Variants in NTN1 observed in about 807,000 individuals in gnomAD.
NTN1 encodes netrin-1.
NTN1 carries 11 observed loss-of-function variants against 54.2 expected under a neutral mutation model. That is an observed-to-expected ratio of 0.20 (90% CI 0.13 to 0.34). The LOEUF is 0.34. Among genes scored for constraint, NTN1 ranks in the 10% least tolerant of loss-of-function variants. The probability of loss-of-function intolerance (pLI) is 1.00; values close to 1 mark genes in which losing one functional copy is unlikely to be tolerated. For synonymous variants in NTN1, 371 were observed against 382.0 expected (o/e 0.97, Z 0.33); for missense variants, 740 against 893.1 (o/e 0.83, Z 2.18).
intron 5 of NTN1, among the ~76,000 whole-genome samples, chr17:9,196,811 T>A (rs759150339): frequency 1.3e-5 from 2 of 152,222 alleles, no homozygotes; most frequent in South Asian, 4.2e-4. Flanking sequence ...TTTGTAGAGA[T>A]CAGGAATGAA....
At chr17:9,179,731 T>C in intron 3 of NTN1, 76 bp from the exon 4 acceptor site, 2 of 1,536,418 alleles carry the variant, frequency 1.3e-6, no homozygotes, top group Non-Finnish European at 8.8e-7. Flanking sequence ...GAGGCAGCCC[T>C]GGGTAGGGAA....
At chr17:9,170,838 CT>C (rs1320209322) in intron 3 of NTN1, among the ~76,000 whole-genome samples, 1 of 150,510 alleles carries the variant, frequency 6.6e-6, no homozygotes, top group Admixed American at 6.7e-5. Flanking sequence ...TCGTACAGCC[CT>C]ATTCCTGCCC....
chr17:9,006,488 G>C, the NTN1 span, among the ~76,000 whole-genome samples: 1 of 152,154 alleles, frequency 6.6e-6, no homozygotes, highest in African/African-American at 2.4e-5. Flanking sequence ...TGTTGAAAAG[G>C]CTGGACTCCC....
At chr17:9,132,897 T>C (rs898788806) in intron 2 of NTN1, among the ~76,000 whole-genome samples, 1 of 152,012 alleles carries the variant, frequency 6.6e-6, no homozygotes, top group Admixed American at 6.6e-5. Flanking sequence ...GAATGACACG[T>C]CCACACTGAT....
intron 2 of NTN1, among the ~76,000 whole-genome samples, chr17:9,148,208 A>G (rs113450838): frequency 0.02 from 3,115 of 152,294 alleles, 38 homozygotes; most frequent in African/African-American, 0.035. Flanking sequence ...CCCTTCTCAC[A>G]AATCTCCACG....
chr17:9,013,569 T>C, the NTN1 span, among the ~76,000 whole-genome samples: 1 of 152,218 alleles, frequency 6.6e-6, no homozygotes, highest in African/African-American at 2.4e-5. Context: ...TAAGAGTATT[T>C]TAAATGATGT....
chr17:9,167,910 A>T (rs1219842146), intron 3 of NTN1, among the ~76,000 whole-genome samples: 2 of 152,192 alleles, frequency 1.3e-5, no homozygotes, highest in East Asian at 3.9e-4. Flanking sequence ...TTGGCTGCAC[A>T]TTGGAACCAC....
In NTN1 at chr17:9,072,069, G is replaced by A. The variant is rs368469514; in HGVS notation, c.1018+48678G>A. Among the ~76,000 whole-genome samples, 24 of 152,282 alleles carry A rather than the reference G, an allele frequency of 1.6e-4. No homozygotes were observed. The South Asian group carries it at 5.0e-3, about 32-fold the overall frequency. On this transcript the variant is annotated intron_variant, in intron 2 of 6. Coordinates refer to ENST00000173229, the MANE Select transcript of NTN1 (RefSeq NM_004822.3). The stretch of plus-strand genomic sequence containing the variant: ...GGAGGGAAGCCGGGGCTGGGAGTAG[G>A]ATCTCTGCCCTTTGCACAGCTGAGG...
intron 2 of NTN1, among the ~76,000 whole-genome samples, chr17:9,038,608 T>G (rs1033525024): frequency 6.6e-6 from 1 of 152,118 alleles, no homozygotes; most frequent in Non-Finnish European, 1.5e-5. Flanking sequence ...CATTAAAGCC[T>G]GTTTCCAGGT....
the NTN1 span, among the ~76,000 whole-genome samples, chr17:9,009,190 T>G: frequency 6.6e-6 from 1 of 152,240 alleles, no homozygotes; most frequent in Admixed American, 6.5e-5. Context: ...TCTGCTCTAC[T>G]GGGTCCTTCT....
intron 2 of NTN1, among the ~76,000 whole-genome samples, chr17:9,081,786 G>C (rs2092072126): frequency 6.6e-6 from 1 of 152,184 alleles, no homozygotes. Context: ...CATGCCTTAA[G>C]GTTGCCTTCA....
At chr17:9,189,978 T>C (rs1031273307) in intron 5 of NTN1, among the ~76,000 whole-genome samples, 1 of 152,090 alleles carries the variant, frequency 6.6e-6, no homozygotes, top group African/African-American at 2.4e-5. Flanking sequence ...CCAGAATGGG[T>C]GAGCATAAAG....
At chr17:9,003,943 C>G in the NTN1 span, among the ~76,000 whole-genome samples, 1 of 152,216 alleles carries the variant, frequency 6.6e-6, no homozygotes. The surrounding 1 kb of genome is among the most constrained non-coding windows in gnomAD (Gnocchi z 7.4). Context: ...GCCGCGGACC[C>G]GCCGGCCTCG....
chr17:9,033,786 A>G (rs980644915), intron 2 of NTN1, among the ~76,000 whole-genome samples: 1 of 151,928 alleles, frequency 6.6e-6, no homozygotes, highest in African/African-American at 2.4e-5. Flanking sequence ...GCGTGGTGGC[A>G]CGTGCCTGTA....
At chr17:9,095,989 G>A (rs2142237502) in intron 2 of NTN1, among the ~76,000 whole-genome samples, 1 of 152,006 alleles carries the variant, frequency 6.6e-6, no homozygotes, top group East Asian at 1.9e-4. Flanking sequence ...TAGAGATGGG[G>A]TTTTACCATG....
At chr17:9,017,601 G>A (rs1311789712), upstream of NTN1, among the ~76,000 whole-genome samples, 1 of 152,194 alleles carries the variant, frequency 6.6e-6, no homozygotes, top group East Asian at 1.9e-4. Flanking sequence ...TGGCTTCACA[G>A]GTAAGACAGT....
At chr17:9,114,189 T>C (rs895911907) in intron 2 of NTN1, among the ~76,000 whole-genome samples, 24 of 112,856 alleles carry the variant, frequency 2.1e-4, no homozygotes, top group African/African-American at 8.4e-4. Context: ...ATATATATGA[T>C]TCAGCTATTC....
In NTN1 at chr17:9,227,308, AACACACCAC is replaced by A. The variant is rs541336912; in HGVS notation, c.1486+6072_1486+6080del. Among the ~76,000 whole-genome samples the A allele has an allele frequency of 9.8e-3, 1,432 of 145,744 alleles. 19 individuals carry two copies. Among genetic ancestry groups the A allele is most frequent in the African/African-American group, 0.035 (1,345 of 38,530 alleles). Reference sequence around the variant, plus strand: ...ACGCATACACACATACACAATCACAAACACACCACACACATCAAACACAGATACACAGAC... The same window carrying A: ...ACGCATACACACATACACAATCACAAACACATCAAACACAGATACACAGAC... On this transcript the variant is annotated intron_variant, in intron 6 of 6. Transcript: ENST00000173229.
At chr17:9,206,882 G>A (rs575248604) in intron 5 of NTN1, among the ~76,000 whole-genome samples, 8 of 152,322 alleles carry the variant, frequency 5.3e-5, no homozygotes, top group African/African-American at 1.9e-4. Context: ...CACTCTCCAA[G>A]CTTCGCTTTT....
Sources: allele counts gnomAD v4.1 joint callset (sites outside exome capture counted in the v4.1 genomes callset), GRCh38; gene constraint gnomAD v4.1.1; non-coding constraint Gnocchi (gnomAD v3.1); transcripts MANE v1.5; gene names NCBI Gene and HGNC (gene_info 2026-07-23, HGNC 2026-07-21).